CTNS: variants seen among roughly 807,000 people sequenced by gnomAD.
CTNS encodes cystinosin, lysosomal cystine transporter, also known as cystinosin.
A neutral mutation model predicts 43.7 loss-of-function variants in CTNS; 27 were observed. The ratio of observed to expected loss-of-function variants is 0.62; its 90% CI spans 0.46 to 0.85. The LOEUF (loss-of-function observed/expected upper bound fraction) is 0.85, where lower values mean the gene tolerates loss of function less well. CTNS is among the 40% of genes least tolerant of loss of function. CTNS has a pLI of 0.00. For missense variants in CTNS, 457 were observed against 475.4 expected (o/e 0.96, Z 0.36); for synonymous variants, 187 against 190.6 (o/e 0.98, Z 0.16).
Position 3,660,568 on chromosome 17 carries a change from C to T in CTNS, c.*199C>T, listed in dbSNP as rs771666360. 6.8e-6 allele frequency: 11 copies of T among 1,612,992 alleles called. No homozygotes were observed. The Admixed American group carries it at 1.7e-4, about 24-fold the overall frequency. Reference sequence around the variant, plus strand: ...CCGGGCCCCTCCTGGGCCTCCCCGGCCAGGCACGTGGCACCGTCGCCTTGA... The same window carrying T: ...CCGGGCCCCTCCTGGGCCTCCCCGGTCAGGCACGTGGCACCGTCGCCTTGA... On this transcript the variant is annotated 3_prime_UTR_variant, in exon 12 of 12. Transcript: ENST00000046640.
chr17:3,641,552 C>T (rs112865894), intron 3 of CTNS, among the ~76,000 whole-genome samples: 1 of 151,418 alleles, frequency 6.6e-6, no homozygotes, highest in African/African-American at 2.4e-5. Context: ...CAACTACGCC[C>T]AGCTAGTTTT....
At position 3,637,177 on chromosome 17, in the gene CTNS, G is replaced by C. The variant is rs930526453; in HGVS notation, c.-159G>C. ...ACGTGCGGAGTGCGGGGCTCCGGGG[G>C]ACTGAGCAGCACGAGACCCCATCCT... On this transcript the variant is annotated 5_prime_UTR_variant, in exon 2 of 12. Transcript: ENST00000046640. The C allele has an allele frequency of 2.0e-5, 3 of 152,286 alleles. No individual in the cohort carries two copies. The highest frequency in any genetic ancestry group is 4.4e-5 in the Non-Finnish European group (3 of 68,084). The allele number at this position is 152,286 out of a possible 1,614,324, so 9.4% of individuals were successfully genotyped here.
At chr17:3,656,008 G>A (rs1274638713) in intron 7 of CTNS, 3 of 312,522 alleles carry the variant, frequency 9.6e-6, no homozygotes, top group Non-Finnish European at 1.9e-5. Flanking sequence ...CTCCTTCCCC[G>A]TGGCCTGGGA....
intron 2 of CTNS, 48 bp from the exon 3 acceptor site, chr17:3,640,140 C>G: frequency 1.4e-6 from 2 of 1,466,608 alleles, no homozygotes; most frequent in Non-Finnish European, 9.6e-7. Flanking sequence ...GGGAGCTGAG[C>G]TGATTCAACA....
rs770367204 is a variant in CTNS at position 3,660,728 on chromosome 17, G to C, written c.*359G>C. 1 of 1,613,526 alleles carries C rather than the reference G, an allele frequency of 6.2e-7. No homozygotes were observed. Among genetic ancestry groups the C allele is most frequent in the Non-Finnish European group, 8.5e-7 (1 of 1,180,036 alleles). On this transcript the variant is annotated 3_prime_UTR_variant, in exon 12 of 12. Coordinates refer to ENST00000046640, the MANE Select transcript of CTNS (RefSeq NM_004937.3). ...CCAGCGTTTCTGCAAGCAGCTTGAAGGGCTGACCTTGCAGCCGGGTGAGCC... is the reference window on the plus strand; with the variant it reads ...CCAGCGTTTCTGCAAGCAGCTTGAACGGCTGACCTTGCAGCCGGGTGAGCC...
At chr17:3,657,564 A>G in intron 9 of CTNS, 1 of 257,680 alleles carries the variant, frequency 3.9e-6, no homozygotes, top group South Asian at 4.9e-5. Flanking sequence ...AGGGAAAGGC[A>G]AGGCGAGGGG....
intron 3 of CTNS, among the ~76,000 whole-genome samples, chr17:3,645,319 C>G (rs1169597633): frequency 6.6e-6 from 1 of 152,168 alleles, no homozygotes; most frequent in African/African-American, 2.4e-5. Context: ...AGCCAGCCAG[C>G]AGGGGACTGG....
intron 7 of CTNS, 159 bp downstream of exon 7, chr17:3,655,511 G>A (rs868304724): frequency 9.0e-7 from 1 of 1,110,474 alleles, no homozygotes; most frequent in Admixed American, 2.0e-5. Flanking sequence ...GGAGAGCCTG[G>A]GTCGGATTCC....
At chr17:3,646,120 C>T (rs912051174) in intron 3 of CTNS, among the ~76,000 whole-genome samples, 5 of 152,046 alleles carry the variant, frequency 3.3e-5, no homozygotes, top group African/African-American at 9.7e-5. Context: ...TGTGTGTAAC[C>T]CTGAAGGCAA....
At chr17:3,657,147 G>T (rs762209358) in intron 9 of CTNS, among the ~76,000 whole-genome samples, 14 of 152,226 alleles carry the variant, frequency 9.2e-5, no homozygotes, top group Admixed American at 4.6e-4. Context: ...AGAGGAAGAC[G>T]CTTGGTTGGG....
Position 3,660,609 on chromosome 17 carries a change from T to A in CTNS, c.*240T>A, listed in dbSNP as rs371198507. The stretch of plus-strand genomic sequence containing the variant: ...GTCGCCTTGACACCGCCATCTCTTT[T>A]CTTTAAGGCTTCAGGCAGCGCGCAC... On this transcript the variant is annotated 3_prime_UTR_variant, in exon 12 of 12. Coordinates refer to ENST00000046640, the MANE Select transcript of CTNS (RefSeq NM_004937.3). The A allele has an allele frequency of 6.2e-7, 1 of 1,613,286 alleles. No individual in the cohort carries two copies. Among genetic ancestry groups the A allele is most frequent in the Non-Finnish European group, 8.5e-7 (1 of 1,179,882 alleles).
At chr17:3,655,911 C>T (rs2076120202) in intron 7 of CTNS, 1 of 249,434 alleles carries the variant, frequency 4.0e-6, no homozygotes, top group Admixed American at 5.0e-5. Flanking sequence ...AGGGAAGTAG[C>T]TCTTCAAGAG....
intron 10 of CTNS, among the ~76,000 whole-genome samples, chr17:3,658,829 GC>G (rs1403977201): frequency 6.6e-6 from 1 of 152,178 alleles, no homozygotes; most frequent in Non-Finnish European, 1.5e-5. Context: ...AAGTTCTGTG[GC>G]CAAGGAGCCC....
chr17:3,640,190 C>G lies in CTNS; in HGVS notation c.-17C>G. 1 of 1,612,806 alleles carries G rather than the reference C, an allele frequency of 6.2e-7. No homozygotes were observed. Among genetic ancestry groups the G allele is most frequent in the Non-Finnish European group, 8.5e-7 (1 of 1,178,882 alleles). On this transcript the variant is annotated splice_region_variant and 5_prime_UTR_variant, in exon 3 of 12. Transcript: ENST00000046640. The stretch of plus-strand genomic sequence containing the variant: ...TCTCTTGCTGTTTTTCTTCCTAGTT[C>G]TGAGAAATCGAGAAACATGATAAGG...
intron 3 of CTNS, 96 bp from the exon 4 acceptor site, chr17:3,647,348 C>A: frequency 2.0e-6 from 2 of 1,021,574 alleles, no homozygotes; most frequent in Non-Finnish European, 3.1e-6. Context: ...AGAGTCAGAG[C>A]TCAGGAGTTC....
chr17:3,658,154 G>T lies in CTNS; in HGVS notation c.831G>T (p.Thr277=), dbSNP rs533147998. ...FCFSYIKLAV[T]LVKYFPQAYM... is the part of the protein sequence containing the mutation. ...TCTCCTACATCAAGCTCGCAGTCAC[G>T]CTGGTCAAGTATTTTCCACAGGTAC... Residue 277 remains threonine (T), a synonymous_variant, in exon 10 of 12, where the codon ACG becomes ACT. Coordinates refer to ENST00000046640, the MANE Select transcript of CTNS (RefSeq NM_004937.3). 13 of 1,612,056 alleles carry T rather than the reference G, an allele frequency of 8.1e-6. No individual in the cohort carries two copies. Among genetic ancestry groups the T allele is most frequent in the African/African-American group, 8.0e-5 (6 of 74,978 alleles).
intron 7 of CTNS, chr17:3,655,703 C>T (rs532812859): frequency 7.8e-5 from 28 of 357,340 alleles, no homozygotes; most frequent in African/African-American, 3.8e-4. Flanking sequence ...CCTGTAGTCT[C>T]GGTCTTTGGG....
intron 2 of CTNS, among the ~76,000 whole-genome samples, chr17:3,638,225 G>A (rs1291725716): frequency 3.9e-5 from 5 of 128,780 alleles, no homozygotes; most frequent in Non-Finnish European, 7.1e-5. Context: ...TTATCAATCT[G>A]GTTTTTTTTT....
At chr17:3,647,947 A>T (rs1215724198) in intron 4 of CTNS, among the ~76,000 whole-genome samples, 1 of 152,198 alleles carries the variant, frequency 6.6e-6, no homozygotes, top group Non-Finnish European at 1.5e-5. Context: ...ACGTCGGGTG[A>T]ATGCCGCTCA....
Sources: gnomAD v4.1 joint callset for allele counts (sites outside exome capture counted in the v4.1 genomes callset) on GRCh38, gnomAD v4.1.1 for gene constraint, MANE v1.5 for transcripts, NCBI Gene and HGNC (gene_info 2026-07-23, HGNC 2026-07-21) for gene names.